The following NOX3 variants were observed in gnomAD, a reference collection of about 807,000 sequenced individuals.
NOX3 encodes the protein NADPH oxidase 3.
A neutral mutation model predicts 76.7 loss-of-function variants in NOX3; 74 were observed. The observed-to-expected ratio is 0.96, with a 90% CI of 0.80 to 1.17. The LOEUF is 1.17. Among genes scored for constraint, NOX3 ranks in the 50% most tolerant of loss-of-function variants. The pLI, the probability that NOX3 is intolerant of heterozygous loss-of-function variation, is 0.00. For synonymous variants in NOX3, 263 were observed against 261.1 expected, an observed-to-expected ratio of 1.01 and a Z score of -0.07; for missense variants, 695 against 703.3, an observed-to-expected ratio of 0.99 and a Z score of 0.13.
chr6:155,435,126 A>G (rs1776884390), intron 7 of NOX3, among the ~76,000 whole-genome samples: 1 of 152,154 alleles, frequency 6.6e-6, no homozygotes, highest in African/African-American at 2.4e-5. Flanking sequence ...GATCCATTAC[A>G]AATAATGGGA....
chr6:155,417,355 G>C lies in NOX3; in HGVS notation c.1308+5339C>G, dbSNP rs886099867. Reference sequence around the variant, plus strand: ...GGGAGCAAAGTTGGGGAGGTGTTTAGTTTGGGGAGGGAGGTGAAGGGAGAT... The same window carrying C: ...GGGAGCAAAGTTGGGGAGGTGTTTACTTTGGGGAGGGAGGTGAAGGGAGAT... On this transcript the variant is annotated intron_variant, in intron 10 of 13. Coordinates refer to ENST00000159060, the MANE Select transcript of NOX3 (RefSeq NM_015718.3). Among the ~76,000 whole-genome samples, 10 of 152,310 alleles carry C rather than the reference G, an allele frequency of 6.6e-5. No individual in the cohort carries two copies. The South Asian group carries it at 2.1e-3, about 32-fold the overall frequency.
At chr6:155,415,873 A>G (rs1246854416) in intron 10 of NOX3, among the ~76,000 whole-genome samples, 2 of 152,176 alleles carry the variant, frequency 1.3e-5, no homozygotes, top group Non-Finnish European at 2.9e-5. Context: ...CATTTGGAGG[A>G]GCTTAGAGAA....
intron 9 of NOX3, among the ~76,000 whole-genome samples, chr6:155,425,012 C>T (rs1776739448): frequency 6.6e-6 from 1 of 152,202 alleles, no homozygotes; most frequent in Non-Finnish European, 1.5e-5. Context: ...AAGTTCCCTG[C>T]TAATACAGTA....
intron 9 of NOX3, among the ~76,000 whole-genome samples, chr6:155,428,571 C>T (rs1776787757): frequency 6.8e-6 from 1 of 147,642 alleles, no homozygotes; most frequent in South Asian, 2.2e-4. Context: ...CTTGGCTGAA[C>T]ATTAGTCTTT....
chr6:155,455,196 T>G (rs1777199233), intron 1 of NOX3, 67 bp from the exon 2 acceptor site: 1 of 998,610 alleles, frequency 1.0e-6, no homozygotes, highest in Non-Finnish European at 1.5e-6. Flanking sequence ...CAAAATCACT[T>G]GGGGTTCTTC....
At chr6:155,421,634 G>T (rs1026238966) in intron 10 of NOX3, among the ~76,000 whole-genome samples, 4 of 152,122 alleles carry the variant, frequency 2.6e-5, no homozygotes, top group African/African-American at 9.7e-5. Context: ...TGCGATCACG[G>T]CTCACTGCTT....
At chr6:155,428,436 A>T (rs1176598813) in intron 9 of NOX3, among the ~76,000 whole-genome samples, 1 of 151,888 alleles carries the variant, frequency 6.6e-6, no homozygotes, top group Non-Finnish European at 1.5e-5. Flanking sequence ...CAAATACAAT[A>T]AAAAAAACTC....
intron 1 of NOX3, 28 bp from the exon 2 acceptor site, chr6:155,455,157 G>C (rs1777198604): frequency 2.8e-6 from 4 of 1,428,100 alleles, no homozygotes; most frequent in African/African-American, 1.4e-5. Context: ...GAGAACCAAT[G>C]ATTACTACCT....
chr6:155,432,874 T>C (rs1200386378), intron 7 of NOX3, among the ~76,000 whole-genome samples: 3 of 152,182 alleles, frequency 2.0e-5, no homozygotes, highest in Admixed American at 1.3e-4. Context: ...CTGGGAAAGA[T>C]GGGGTTGGAC....
chr6:155,414,064 G>C (rs181050027), intron 10 of NOX3, among the ~76,000 whole-genome samples: 1 of 152,036 alleles, frequency 6.6e-6, no homozygotes, highest in Non-Finnish European at 1.5e-5. Context: ...TTGCTTCCTC[G>C]TAATGGCTTT....
chr6:155,414,619 CTTTCTTTTTT>C (rs1776599891), intron 10 of NOX3, among the ~76,000 whole-genome samples: 1 of 119,430 alleles, frequency 8.4e-6, no homozygotes, highest in Non-Finnish European at 1.7e-5. Flanking sequence ...CTTTTCTTTT[CTTTCTTTTTT>C]TTTTTTTTTT....
chr6:155,439,899 A>G (rs1389743050), intron 6 of NOX3, 57 bp downstream of exon 6: 4 of 1,507,506 alleles, frequency 2.7e-6, no homozygotes, highest in African/African-American at 2.8e-5. Context: ...ACTTTCTAAG[A>G]TTATTTTGGG....
chr6:155,408,031 T>C (rs537657639), intron 11 of NOX3, among the ~76,000 whole-genome samples: 1 of 152,302 alleles, frequency 6.6e-6, no homozygotes, highest in East Asian at 1.9e-4. Context: ...CAGGCTGGAG[T>C]GCAGTGGCGT....
chr6:155,410,296 A>AGTGTGTGTGTGTGTGTGTGTGT (rs142349696), intron 11 of NOX3, among the ~76,000 whole-genome samples: 14 of 149,346 alleles, frequency 9.4e-5, no homozygotes, highest in African/African-American at 3.4e-4. Flanking sequence ...CTATAAGGCC[A>AGTGTGTGTGTGTGTGTGTGTGT]GTGTGTGTGT....
chr6:155,400,638 C>T (rs894650472), intron 12 of NOX3, among the ~76,000 whole-genome samples: 5 of 114,610 alleles, frequency 4.4e-5, no homozygotes, highest in Non-Finnish European at 7.2e-5. Flanking sequence ...TTGTGCTGGC[C>T]AGCTTTTTTT....
At chr6:155,442,431 G>A (rs1275907480) in intron 5 of NOX3, among the ~76,000 whole-genome samples, 1 of 152,166 alleles carries the variant, frequency 6.6e-6, no homozygotes, top group Admixed American at 6.5e-5. Flanking sequence ...AGGCTGCATG[G>A]GGAAATGGTC....
intron 6 of NOX3, among the ~76,000 whole-genome samples, chr6:155,438,034 C>T (rs530833151): frequency 1.1e-4 from 17 of 152,244 alleles, no homozygotes; most frequent in Admixed American, 5.2e-4. Context: ...ATATCTCCAA[C>T]GAAACACTGC....
chr6:155,436,322 G>C, intron 7 of NOX3, 96 bp downstream of exon 7: 2 of 1,379,148 alleles, frequency 1.5e-6, no homozygotes, highest in Non-Finnish European at 1.0e-6. Context: ...GCTTTGTCTA[G>C]TGGTGAAATG....
At chr6:155,414,588 A>G (rs1224359064) in intron 10 of NOX3, among the ~76,000 whole-genome samples, 1 of 147,822 alleles carries the variant, frequency 6.8e-6, no homozygotes, top group Non-Finnish European at 1.5e-5. Context: ...TTTTTACAGG[A>G]CTCATCCAAC....
Sources: gnomAD v4.1 joint callset for allele counts (sites outside exome capture counted in the v4.1 genomes callset) on GRCh38, gnomAD v4.1.1 for gene constraint, MANE v1.5 for transcripts, NCBI Gene and HGNC (gene_info 2026-07-23, HGNC 2026-07-21) for gene names.